Variants in RBFOX1 observed in about 807,000 individuals in gnomAD.
RBFOX1 encodes RNA binding protein fox-1 homolog 1.
In RBFOX1, 8 loss-of-function variants were observed where a neutral mutation model predicts 57.7. That is an observed-to-expected ratio of 0.14 (90% confidence interval 0.08 to 0.25). The LOEUF is 0.25. Ranked by LOEUF, RBFOX1 falls within the 10% of genes least tolerant of loss-of-function variation. RBFOX1 has a pLI of 1.00. For missense variants in RBFOX1, 611 were observed against 548.5 expected (o/e 1.11, Z -1.14); for synonymous variants, 326 against 222.4 (o/e 1.47, Z -4.15).
rs749480851 is a variant in RBFOX1 at position 6,748,496 on chromosome 16, C to G, written c.-16+93846C>G. ...GGCAACATAACAAGATCCCGTCTCT[C>G]CAAAAAATAAAGATAAAAAATTAGC... On this transcript the variant is annotated intron_variant, in intron 3 of 15. Transcript: ENST00000550418. Among the ~76,000 whole-genome samples, 84 of 151,930 alleles carry G rather than the reference C, an allele frequency of 5.5e-4. 2 individuals are homozygous for G. Among genetic ancestry groups the G allele is most frequent in the Admixed American group, 2.6e-4 (4 of 15,218 alleles).
intron 15 of RBFOX1, 123 bp from the exon 16 acceptor site, chr16:7,710,500 G>T: frequency 1.9e-6 from 3 of 1,565,184 alleles, no homozygotes; most frequent in Non-Finnish European, 2.6e-6. Context: ...ACCTGGGATG[G>T]GTAGGGGGTG....
chr16:7,038,529 C>T (rs1450154586), intron 3 of RBFOX1, among the ~76,000 whole-genome samples: 1 of 152,160 alleles, frequency 6.6e-6, no homozygotes, highest in Non-Finnish European at 1.5e-5. Flanking sequence ...TTCTTCCACC[C>T]TGCAAGGTAT....
intron 11 of RBFOX1, among the ~76,000 whole-genome samples, chr16:7,648,603 GTTA>G (rs2064250800): frequency 6.6e-6 from 1 of 152,136 alleles, no homozygotes; most frequent in African/African-American, 2.4e-5. Flanking sequence ...TATCAAGATT[GTTA>G]TTTTCTATTG....
intron 2 of RBFOX1, among the ~76,000 whole-genome samples, chr16:6,346,212 T>C (rs1235368765): frequency 6.6e-6 from 1 of 152,184 alleles, no homozygotes; most frequent in Non-Finnish European, 1.5e-5. Context: ...ACTTATTATA[T>C]ATAGTGCCAA....
chr16:6,696,471 G>A (rs533285389), intron 3 of RBFOX1, among the ~76,000 whole-genome samples: 3 of 152,226 alleles, frequency 2.0e-5, no homozygotes, highest in South Asian at 4.1e-4. Context: ...AATTGGAGTC[G>A]ATGTAAATCC....
intron 2 of RBFOX1, among the ~76,000 whole-genome samples, chr16:6,579,320 C>T (rs1003814105): frequency 3.9e-5 from 6 of 152,088 alleles, no homozygotes; most frequent in Non-Finnish European, 5.9e-5. Context: ...CCTCCCACCT[C>T]GGTCTCTTGA....
At chr16:6,671,127 T>C (rs1215492395) in intron 3 of RBFOX1, among the ~76,000 whole-genome samples, 1 of 152,238 alleles carries the variant, frequency 6.6e-6, no homozygotes, top group Admixed American at 6.5e-5. Context: ...ATCTTACTCA[T>C]TATTTCTTAT....
At position 7,653,932 on chromosome 16, in the gene RBFOX1, TCCCGGC is replaced by T. The variant is rs776809710; in HGVS notation, c.877_882del (p.Pro293_Ala294del). 1.3e-6 allele frequency: 2 copies of T among 1,548,732 alleles called. No homozygotes were observed. The highest frequency in any genetic ancestry group is 1.7e-6 in the Non-Finnish European group (2 of 1,154,810). ...AGGGCCGCGGCGCCCCCGCCCCCGA[TCCCGGC>T]CTACGGCGGGTAAGTGGGGCAGCCT... On this transcript the variant is annotated inframe_deletion, in exon 12 of 16. Coordinates refer to ENST00000550418, the MANE Select transcript of RBFOX1 (RefSeq NM_018723.4).
At chr16:6,625,157 TAAAAAAAAAA>T (rs34634402) in intron 2 of RBFOX1, among the ~76,000 whole-genome samples, 1,160 of 56,354 alleles carry the variant, frequency 0.021, 36 homozygotes, top group African/African-American at 0.083. Flanking sequence ...CAACCCTATC[TAAAAAAAAAA>T]AAAAAAAAAA....
At chr16:6,518,844 T>TATC (rs2096443716) in intron 2 of RBFOX1, among the ~76,000 whole-genome samples, 1 of 84,992 alleles carries the variant, frequency 1.2e-5, no homozygotes, top group Non-Finnish European at 2.6e-5. Flanking sequence ...TCTATCTATC[T>TATC]ATCTGTCTTC....
chr16:5,769,012 G>T (rs1215087353), intron 3 of RBFOX1, among the ~76,000 whole-genome samples: 5 of 151,900 alleles, frequency 3.3e-5, no homozygotes, highest in African/African-American at 1.2e-4. Context: ...ATTAGTGAGT[G>T]TCAAACAATT....
chr16:7,350,462 T>C (rs2097108097), intron 4 of RBFOX1, among the ~76,000 whole-genome samples: 1 of 152,162 alleles, frequency 6.6e-6, no homozygotes, highest in African/African-American at 2.4e-5. Context: ...GCAGGCAGTT[T>C]AGATTTTGAT....
At chr16:7,151,066 A>G (rs2076012040) in intron 4 of RBFOX1, among the ~76,000 whole-genome samples, 1 of 152,212 alleles carries the variant, frequency 6.6e-6, no homozygotes, top group African/African-American at 2.4e-5. Context: ...CCCTCAAATG[A>G]CAGAGGCTGT....
At chr16:5,728,601 C>T (rs1265675095) in intron 3 of RBFOX1, among the ~76,000 whole-genome samples, 1 of 152,172 alleles carries the variant, frequency 6.6e-6, no homozygotes, top group South Asian at 2.1e-4. Context: ...CATTTATCTT[C>T]TCTGATTGTC....
intron 4 of RBFOX1, among the ~76,000 whole-genome samples, chr16:7,072,258 G>C (rs532346264): frequency 4.6e-5 from 7 of 152,154 alleles, no homozygotes; most frequent in Admixed American, 1.3e-4. Flanking sequence ...GGGCCAGAAT[G>C]ACCTTTAAAG....
chr16:5,809,978 C>T (rs1392785387), intron 3 of RBFOX1, among the ~76,000 whole-genome samples: 10 of 152,158 alleles, frequency 6.6e-5, no homozygotes, highest in Admixed American at 1.3e-4. Flanking sequence ...ATATACACCA[C>T]GGAATACTAT....
At chr16:6,317,651 C>G (rs2081277361) in intron 2 of RBFOX1, among the ~76,000 whole-genome samples, 2 of 152,076 alleles carry the variant, frequency 1.3e-5, no homozygotes, top group South Asian at 4.1e-4. Context: ...TCATTGCATG[C>G]AAGGACTTTA....
At chr16:5,425,105 C>CTATCTATCTATCTATCTATCTATCTATT (rs1555515009) in intron 1 of RBFOX1, among the ~76,000 whole-genome samples, 3 of 131,462 alleles carry the variant, frequency 2.3e-5, no homozygotes, top group African/African-American at 2.9e-5. Flanking sequence ...ATCTATCTAT[C>CTATCTATCTATCTATCTATCTATCTATT]TATCTATCTA....
intron 3 of RBFOX1, among the ~76,000 whole-genome samples, chr16:6,907,487 T>C (rs533844239): frequency 1.1e-3 from 165 of 152,318 alleles, no homozygotes; most frequent in Middle Eastern, 3.4e-3. Flanking sequence ...GAGATCAAGA[T>C]GCCAGCAGGG....
Sources: allele counts gnomAD v4.1 joint callset (sites outside exome capture counted in the v4.1 genomes callset), GRCh38; gene constraint gnomAD v4.1.1; transcripts MANE v1.5; gene names NCBI Gene and HGNC (gene_info 2026-07-23, HGNC 2026-07-21).